The following NUAK2 variants were observed in gnomAD, a reference collection of about 807,000 sequenced individuals.
The protein encoded by NUAK2 is NUAK family kinase 2.
A neutral mutation model predicts 29.8 loss-of-function variants in NUAK2; 20 were observed. That is an observed-to-expected ratio of 0.67 (90% CI 0.47 to 0.98). NUAK2 has a LOEUF of 0.98. Ranked by LOEUF, NUAK2 falls within the 50% of genes least tolerant of loss-of-function variation. The pLI is 0.00. For missense variants in NUAK2, 719 were observed against 834.5 expected (o/e 0.86, Z 1.71); for synonymous variants, 331 against 342.6 (o/e 0.97, Z 0.37).
rs749649226 is a variant in NUAK2, at chr1:205,303,493, G to A, written c.1844C>T (p.Ala615Val). The A allele has an allele frequency of 7.5e-6, 12 of 1,607,994 alleles. No homozygotes were observed. The highest frequency in any genetic ancestry group is 1.3e-5 in the African/African-American group (1 of 74,670). Residue 615 changes from alanine (A) to valine (V), a missense_variant, in exon 7 of 7, where the codon GCG (alanine) becomes GTG (valine). By Grantham distance (64) the Ala-to-Val change is moderately conservative (BLOSUM62 0). Transcript: ENST00000367157. ...GACCCTCAGTGCCTGTCGGTAGGTCGCTGTCACCTCCTGGCAGTCTGTCAG... is the reference window on the plus strand; with the variant it reads ...GACCCTCAGTGCCTGTCGGTAGGTCACTGTCACCTCCTGGCAGTCTGTCAG... The part of the protein sequence containing the change: ...FSLTDCQEVT[A>V]TYRQALRVCS...
At chr1:205,317,603 C>T (rs1662347330) in intron 1 of NUAK2, among the ~76,000 whole-genome samples, 1 of 152,188 alleles carries the variant, frequency 6.6e-6, no homozygotes. Context: ...CCAGCCCCCT[C>T]TACCGGGTTG....
chr1:205,316,372 CAATT>C (rs1239604406), intron 1 of NUAK2, among the ~76,000 whole-genome samples: 2 of 152,166 alleles, frequency 1.3e-5, no homozygotes, highest in East Asian at 3.8e-4. Context: ...GGAGGACTGA[CAATT>C]AATTAAACTC....
rs7550061 is a variant in NUAK2, at chr1:205,303,164, C to A, written c.*286G>T. 8.0e-6 allele frequency: 2 copies of A among 250,784 alleles called. No homozygotes were observed. The highest frequency in any genetic ancestry group is 1.1e-4 in the South Asian group (1 of 9,058). The allele number at this position is 250,784 out of a possible 1,614,324, so 15.5% of individuals were successfully genotyped here. On this transcript the variant is annotated 3_prime_UTR_variant, in exon 7 of 7. Transcript: ENST00000367157. ...TCTCTTTCCAGGTCTCTGTGGCCCC[C>A]CCATGTACACAAGAAACAGGCAATG...
intron 1 of NUAK2, among the ~76,000 whole-genome samples, chr1:205,317,325 A>T (rs1195133225): frequency 2.0e-5 from 3 of 152,220 alleles, no homozygotes; most frequent in Non-Finnish European, 4.4e-5. Flanking sequence ...TATCACCCAG[A>T]GCTGGAGCCA....
intron 2 of NUAK2, among the ~76,000 whole-genome samples, chr1:205,311,288 A>G (rs1177743200): frequency 6.6e-6 from 1 of 152,216 alleles, no homozygotes; most frequent in African/African-American, 2.4e-5. Flanking sequence ...CACCTGAGAC[A>G]GGTGCAGGTC....
At chr1:205,316,032 A>G (rs1662324043) in intron 1 of NUAK2, among the ~76,000 whole-genome samples, 1 of 152,310 alleles carries the variant, frequency 6.6e-6, no homozygotes, top group African/African-American at 2.4e-5. Flanking sequence ...CCAAGTTTAG[A>G]TAATACAATA....
At position 205,303,602 on chromosome 1, in the gene NUAK2, C is replaced by A. The variant is rs1662121312; in HGVS notation, c.1735G>T (p.Gly579Trp). Residue 579 changes from glycine (G) to tryptophan (W), a missense_variant, in exon 7 of 7, where the codon GGG becomes TGG. Coordinates refer to ENST00000367157, the MANE Select transcript of NUAK2 (RefSeq NM_030952.3). ...CCCTCTGAGGGGGGCTCCTCAAGCC[C>A]CGTGAGGTTGTCCACAGACACACAG... The part of the protein sequence containing the change: ...RGCVSVDNLT[G>W]LEEPPSEGPG... 1.2e-6 allele frequency: 2 copies of A among 1,611,364 alleles called. No individual in the cohort carries two copies. Among genetic ancestry groups the A allele is most frequent in the Non-Finnish European group, 1.7e-6 (2 of 1,179,222 alleles).
At position 205,321,620 on chromosome 1, in the gene NUAK2, C is replaced by A. The variant is rs1380682413; in HGVS notation, c.9G>T (p.Ser3=). ...GGCCGGAGCGCCGCGCGAAAACCAG[C>A]GACTCCATGGCGAGCAGGAGGTGAG... ME[S]LVFARRSGPT... is the part of the protein sequence containing the mutation. Residue 3 remains serine, a synonymous_variant, in exon 1 of 7, where the codon TCG becomes TCT. Coordinates refer to ENST00000367157, the MANE Select transcript of NUAK2 (RefSeq NM_030952.3). 1 of 1,609,562 alleles carries A rather than the reference C, an allele frequency of 6.2e-7. No individual in the cohort carries two copies.
In NUAK2 at chr1:205,305,195, T is replaced by C. The variant is rs1662162673; in HGVS notation, c.823+4A>G. 2 of 1,613,492 alleles carry C rather than the reference T, an allele frequency of 1.2e-6. No individual in the cohort carries two copies. The highest frequency in any genetic ancestry group is 1.7e-5 in the Admixed American group (1 of 59,916). ...GGATAAGAACGCCCACACCTCTTACTCACCAGAGGGTTTAGGTGGCTCCCG... is the reference window on the plus strand; with the variant it reads ...GGATAAGAACGCCCACACCTCTTACCCACCAGAGGGTTTAGGTGGCTCCCG... On this transcript the variant is annotated splice_donor_region_variant and intron_variant, in intron 6 of 6. Coordinates refer to ENST00000367157, the MANE Select transcript of NUAK2 (RefSeq NM_030952.3).
At chr1:205,321,191 G>C (rs769605740) in intron 1 of NUAK2, among the ~76,000 whole-genome samples, 78 of 152,294 alleles carry the variant, frequency 5.1e-4, no homozygotes, top group Admixed American at 8.5e-4. Flanking sequence ...GCTGGCTGGG[G>C]TTCGCAAGTT....
chr1:205,319,415 A>ACT (rs370308825), intron 1 of NUAK2, among the ~76,000 whole-genome samples: 4 of 151,584 alleles, frequency 2.6e-5, no homozygotes, highest in Non-Finnish European at 2.9e-5. Context: ...TCTCTCTCTT[A>ACT]CTCTCTCTCT....
intron 4 of NUAK2, among the ~76,000 whole-genome samples, chr1:205,306,781 C>T (rs1286472274): frequency 1.3e-5 from 2 of 152,136 alleles, no homozygotes; most frequent in Non-Finnish European, 2.9e-5. Context: ...CTGCATGAGG[C>T]TCTAATGATG....
chr1:205,320,982 C>A (rs530293254), intron 1 of NUAK2, among the ~76,000 whole-genome samples: 14 of 152,322 alleles, frequency 9.2e-5, no homozygotes, highest in African/African-American at 3.4e-4. Flanking sequence ...TTCAACCACA[C>A]ACATATTTAC....
intron 1 of NUAK2, among the ~76,000 whole-genome samples, chr1:205,320,717 A>G (rs779373867): frequency 1.3e-5 from 2 of 152,218 alleles, no homozygotes; most frequent in Non-Finnish European, 2.9e-5. Flanking sequence ...CCAAGGTCAC[A>G]CAGACTGCTA....
chr1:205,308,578 C>T lies in NUAK2; in HGVS notation c.504+3G>A. The T allele has an allele frequency of 6.2e-7, 1 of 1,613,058 alleles. No homozygotes were observed. The highest frequency in any genetic ancestry group is 8.5e-7 in the Non-Finnish European group (1 of 1,179,232). ...AATATGGCTGGAGCAGGTAGGTGCT[C>T]ACCTGATGGCAATAGTGCACGGCAG... On this transcript the variant is annotated splice_donor_region_variant and intron_variant, in intron 3 of 6. Transcript: ENST00000367157. This position sits in a 1 kb window ranked among gnomAD's most constrained non-coding sequence, Gnocchi z 4.1.
intron 4 of NUAK2, among the ~76,000 whole-genome samples, chr1:205,307,100 C>T (rs988127261): frequency 6.6e-6 from 1 of 152,178 alleles, no homozygotes; most frequent in African/African-American, 2.4e-5. Context: ...CCCATCGTCT[C>T]GTTGCCCGGA....
In NUAK2 at chr1:205,303,955, G is replaced by A. The variant is rs779114491; in HGVS notation, c.1382C>T (p.Ser461Phe). 6.2e-7 allele frequency: 1 copy of A among 1,613,994 alleles called. No individual in the cohort carries two copies. Among genetic ancestry groups the A allele is most frequent in the South Asian group, 1.1e-5 (1 of 91,086 alleles). The change falls in exon 7 of 7, where the codon TCC (serine) becomes TTC (phenylalanine). Residue 461 changes from serine (S) to phenylalanine (F), a missense_variant. Physicochemically the swap from Ser to Phe is radical, Grantham distance 155 (BLOSUM62 -2). Around this residue, in one of 3 missense-constraint regions of NUAK2, gnomAD observed 430 missense variants for 465.7 expected, o/e 0.92. Coordinates refer to ENST00000367157, the MANE Select transcript of NUAK2 (RefSeq NM_030952.3). ...KPRQRESGYY[S>F]SPEPSESGEL... is the part of the protein sequence containing the mutation. Reference sequence around the variant, plus strand: ...CCCAGATTCACTGGGCTCGGGAGAGGAGTAGTAGCCAGACTCGCGCTGTCG... The same window carrying A: ...CCCAGATTCACTGGGCTCGGGAGAGAAGTAGTAGCCAGACTCGCGCTGTCG...
chr1:205,310,057 T>C (rs1662235279), intron 2 of NUAK2, among the ~76,000 whole-genome samples: 1 of 152,250 alleles, frequency 6.6e-6, no homozygotes, highest in South Asian at 2.1e-4. Flanking sequence ...CCTATGAGTT[T>C]GGCTTGCTTG....
chr1:205,321,333 C>T, intron 1 of NUAK2, 65 bp downstream of exon 1: 1 of 1,429,024 alleles, frequency 7.0e-7, no homozygotes. Context: ...CGCCCGCCCT[C>T]CTCCGCTCCC....
Sources: gnomAD v4.1 joint callset for allele counts (sites outside exome capture counted in the v4.1 genomes callset) on GRCh38, gnomAD v4.1.1 for gene constraint, gnomAD v4.1.1 regional missense constraint, Gnocchi (gnomAD v3.1) non-coding constraint, MANE v1.5 for transcripts, NCBI Gene and HGNC (gene_info 2026-07-23, HGNC 2026-07-21) for gene names.